The following CCSER1 variants were observed in gnomAD, a reference collection of about 807,000 sequenced individuals.
The protein encoded by CCSER1 is serine-rich coiled-coil domain-containing protein 1.
A neutral mutation model predicts 82.0 loss-of-function variants in CCSER1; 41 were observed. The observed-to-expected ratio is 0.50, with a 90% CI of 0.39 to 0.65. The LOEUF (loss-of-function observed/expected upper bound fraction) is 0.65. Ranked by LOEUF, CCSER1 falls within the 30% of genes least tolerant of loss-of-function variation. The pLI, the probability that CCSER1 is intolerant of heterozygous loss-of-function variation, is 0.00. For synonymous variants in CCSER1, 414 were observed against 383.9 expected (o/e 1.08, Z -0.92); for missense variants, 1,119 against 1,064.2 (o/e 1.05, Z -0.72).
intron 6 of CCSER1, among the ~76,000 whole-genome samples, chr4:90,671,724 G>C (rs922729144): frequency 2.6e-5 from 4 of 152,004 alleles, no homozygotes; most frequent in African/African-American, 7.2e-5. Flanking sequence ...ATCCTTTCCA[G>C]AAGGTTTTTA....
chr4:90,451,344 A>G (rs958772006), intron 4 of CCSER1, among the ~76,000 whole-genome samples: 1 of 152,104 alleles, frequency 6.6e-6, no homozygotes, highest in Non-Finnish European at 1.5e-5. Context: ...TCTTTGGCAT[A>G]TGGGTGAAAT....
intron 9 of CCSER1, among the ~76,000 whole-genome samples, chr4:90,978,602 T>C (rs1043996248): frequency 6.6e-5 from 10 of 151,792 alleles, no homozygotes; most frequent in African/African-American, 2.4e-4. Flanking sequence ...AATAAATAAT[T>C]CTGTAGACTG....
chr4:90,471,424 C>T (rs974288070), intron 5 of CCSER1, among the ~76,000 whole-genome samples: 9 of 151,972 alleles, frequency 5.9e-5, no homozygotes, highest in Non-Finnish European at 1.3e-4. Flanking sequence ...GGTGACAAAG[C>T]AAGACTGTCT....
intron 10 of CCSER1, among the ~76,000 whole-genome samples, chr4:91,598,369 A>C (rs1764678974): frequency 6.6e-6 from 1 of 152,192 alleles, no homozygotes; most frequent in Admixed American, 6.6e-5. Context: ...AATGCCTTTT[A>C]GAGTAAATTA....
At chr4:90,622,179 AAATG>A (rs1722440432) in intron 5 of CCSER1, among the ~76,000 whole-genome samples, 1 of 152,190 alleles carries the variant, frequency 6.6e-6, no homozygotes, top group Admixed American at 6.5e-5. Flanking sequence ...TAAGCATTAA[AAATG>A]AAGTCTTACC....
intron 3 of CCSER1, among the ~76,000 whole-genome samples, chr4:90,376,766 A>G (rs1256427853): frequency 6.6e-6 from 1 of 152,152 alleles, no homozygotes; most frequent in Non-Finnish European, 1.5e-5. Context: ...AAAAGTTAAG[A>G]CACTGTAGAA....
chr4:91,369,319 C>T (rs908555448), intron 10 of CCSER1, among the ~76,000 whole-genome samples: 3 of 152,174 alleles, frequency 2.0e-5, no homozygotes, highest in Admixed American at 6.5e-5. Context: ...AGATGACTTC[C>T]GTTTCTAACA....
intron 8 of CCSER1, among the ~76,000 whole-genome samples, chr4:90,849,336 T>G (rs2904373): frequency 0.58 from 87,567 of 151,982 alleles, 25,593 homozygotes; most frequent in Non-Finnish European, 0.63. Flanking sequence ...TGTACAAAGG[T>G]ACTGGTGGCA....
intron 7 of CCSER1, among the ~76,000 whole-genome samples, chr4:90,743,357 T>A (rs1028348159): frequency 6.6e-6 from 1 of 152,164 alleles, no homozygotes; most frequent in Admixed American, 6.6e-5. Flanking sequence ...TCTGAGAAAC[T>A]GTTGATGTCA....
chr4:91,397,250 C>G (rs1227175154), intron 10 of CCSER1, among the ~76,000 whole-genome samples: 1 of 151,874 alleles, frequency 6.6e-6, no homozygotes, highest in Admixed American at 6.6e-5. Flanking sequence ...TACATGATGA[C>G]AAGAGAGAAC....
chr4:90,949,000 A>C (rs1032065029), intron 9 of CCSER1, among the ~76,000 whole-genome samples: 26 of 152,084 alleles, frequency 1.7e-4, no homozygotes, highest in African/African-American at 5.8e-4. Context: ...TCTGACGTGG[A>C]ATGTGATAAT....
chr4:91,330,087 C>A (rs1326820483), intron 10 of CCSER1, among the ~76,000 whole-genome samples: 1 of 151,718 alleles, frequency 6.6e-6, no homozygotes, highest in East Asian at 1.9e-4. Context: ...TTACTTTTTT[C>A]TAATGTAATT....
At chr4:90,998,477 A>C (rs1262740776) in intron 9 of CCSER1, among the ~76,000 whole-genome samples, 1 of 152,240 alleles carries the variant, frequency 6.6e-6, no homozygotes, top group Non-Finnish European at 1.5e-5. Flanking sequence ...TCTTTAAATC[A>C]TCAGCAAAAA....
At chr4:90,943,799 C>T (rs960749078) in intron 9 of CCSER1, among the ~76,000 whole-genome samples, 13 of 133,542 alleles carry the variant, frequency 9.7e-5, no homozygotes, top group South Asian at 5.0e-4. Context: ...TGGTCTCAAA[C>T]TACTGGCCTC....
intron 6 of CCSER1, among the ~76,000 whole-genome samples, chr4:90,699,067 C>A (rs530614085): frequency 1.3e-5 from 2 of 152,186 alleles, no homozygotes; most frequent in South Asian, 4.2e-4. Context: ...CACCACTGCA[C>A]TCCAGCCGGG....
At chr4:90,155,908 C>T (rs1228247509) in intron 1 of CCSER1, among the ~76,000 whole-genome samples, 2 of 151,766 alleles carry the variant, frequency 1.3e-5, no homozygotes, top group African/African-American at 2.4e-5. Flanking sequence ...TTCTTGCCTT[C>T]TGCTAGCTTT....
At chr4:90,175,076 T>C in intron 1 of CCSER1, among the ~76,000 whole-genome samples, 1 of 151,984 alleles carries the variant, frequency 6.6e-6, no homozygotes, top group East Asian at 1.9e-4. Flanking sequence ...GCAGTTTTAT[T>C]TGTAAGAGCC....
chr4:91,107,805 A>G (rs1471173845), intron 10 of CCSER1, among the ~76,000 whole-genome samples: 2 of 152,092 alleles, frequency 1.3e-5, no homozygotes, highest in Non-Finnish European at 2.9e-5. Flanking sequence ...TAGGGAAGTT[A>G]TGTCAGTAAT....
rs149282370 is a variant in CCSER1, at chr4:91,533,791, G to A, written c.2218-64781G>A. Among the ~76,000 whole-genome samples, 652 of 151,738 alleles carry A rather than the reference G, an allele frequency of 4.3e-3. 7 individuals are homozygous for A. Among genetic ancestry groups the A allele is most frequent in the African/African-American group, 0.015 (604 of 41,432 alleles). Reference sequence around the variant, plus strand: ...TACATTTCCCAATCGTAATTTTTAGGTGACTAAAATAATGAGTTTAAACAT... The same window carrying A: ...TACATTTCCCAATCGTAATTTTTAGATGACTAAAATAATGAGTTTAAACAT... On this transcript the variant is annotated intron_variant, in intron 10 of 10. Coordinates refer to ENST00000509176, the MANE Select transcript of CCSER1 (RefSeq NM_001145065.2).
Sources: allele counts gnomAD v4.1 joint callset (sites outside exome capture counted in the v4.1 genomes callset), GRCh38; gene constraint gnomAD v4.1.1; transcripts MANE v1.5; gene names NCBI Gene and HGNC (gene_info 2026-07-23, HGNC 2026-07-21).